Variants in NALF1 observed in about 807,000 individuals in gnomAD.
The protein encoded by NALF1 is NALCN channel auxiliary factor 1.
In NALF1, 3 loss-of-function variants were observed where a neutral mutation model predicts 48.4. The ratio of observed to expected loss-of-function variants is 0.06; its 90% confidence interval spans 0.03 to 0.16. The LOEUF (loss-of-function observed/expected upper bound fraction) is 0.16, where lower values mean the gene tolerates loss of function less well. Among genes scored for constraint, NALF1 ranks in the 10% least tolerant of loss-of-function variants. The probability of loss-of-function intolerance (pLI) is 1.00; values close to 1 mark genes in which losing one functional copy is unlikely to be tolerated. For missense variants in NALF1, 526 were observed against 571.5 expected, an observed-to-expected ratio of 0.92 and a Z score of 0.81; for synonymous variants, 262 against 245.7, an observed-to-expected ratio of 1.07 and a Z score of -0.62.
chr13:107,857,547 T>A lies in NALF1; in HGVS notation c.915+8135A>T, dbSNP rs190877696. 2.6e-5 allele frequency among the ~76,000 whole-genome samples: 4 copies of A among 152,338 alleles called. No individual in the cohort carries two copies. The East Asian group carries it at 7.7e-4, about 29-fold the overall frequency. On this transcript the variant is annotated intron_variant, in intron 1 of 2. Coordinates refer to ENST00000375915, the MANE Select transcript of NALF1 (RefSeq NM_001080396.3). ...AACCAAAGTGTTCAAGGCCTTTGGT[T>A]ACGCACCTATCAGGATCCAGTCAAT... is the stretch of plus-strand genomic sequence containing the variant.
At chr13:107,772,411 TAG>T (rs1343118078) in intron 1 of NALF1, among the ~76,000 whole-genome samples, 2 of 152,130 alleles carry the variant, frequency 1.3e-5, no homozygotes, top group South Asian at 2.1e-4. Context: ...TATGCATTAT[TAG>T]AGAGTTTCCA....
In NALF1 at chr13:107,170,224, C is replaced by A; in HGVS notation, c.*273G>T. On this transcript the variant is annotated 3_prime_UTR_variant, in exon 3 of 3. Coordinates refer to ENST00000375915, the MANE Select transcript of NALF1 (RefSeq NM_001080396.3). ...GCAAAAAATAAACAAACAAATAAAC[C>A]CAAACCAAAACGAAAGCAAATAAAA... The A allele has an allele frequency of 5.9e-6, 2 of 339,076 alleles. No individual in the cohort carries two copies. The highest frequency in any genetic ancestry group is 5.0e-5 in the East Asian group (1 of 19,866). The allele number at this position is 339,076 out of a possible 1,614,324, so 21.0% of individuals were successfully genotyped here.
chr13:107,628,504 A>G (rs1342415083), intron 1 of NALF1, among the ~76,000 whole-genome samples: 2 of 152,122 alleles, frequency 1.3e-5, no homozygotes, highest in African/African-American at 4.8e-5. Context: ...CAAAATTATT[A>G]GTTAGTAGGT....
chr13:107,498,224 T>C (rs185834605), intron 1 of NALF1, among the ~76,000 whole-genome samples: 5 of 152,140 alleles, frequency 3.3e-5, no homozygotes, highest in Admixed American at 3.3e-4. Flanking sequence ...ACCAGGAAAA[T>C]ATTAATCACA....
chr13:107,863,149 C>T (rs1217795692), intron 1 of NALF1, among the ~76,000 whole-genome samples: 1 of 151,834 alleles, frequency 6.6e-6, no homozygotes, highest in Non-Finnish European at 1.5e-5. Context: ...AAAAATTTTG[C>T]ATAGAACTTC....
intron 1 of NALF1, among the ~76,000 whole-genome samples, chr13:107,634,724 G>A (rs1395696933): frequency 6.6e-6 from 1 of 152,036 alleles, no homozygotes; most frequent in Non-Finnish European, 1.5e-5. Context: ...CTGCTGTGGT[G>A]AAAAATGTTG....
At chr13:107,392,546 G>A (rs1883644904) in intron 1 of NALF1, among the ~76,000 whole-genome samples, 1 of 152,106 alleles carries the variant, frequency 6.6e-6, no homozygotes, top group Admixed American at 6.6e-5. Context: ...CATTTCCAAG[G>A]GCAAGGGAGA....
chr13:107,743,655 C>G (rs142087614), intron 1 of NALF1, among the ~76,000 whole-genome samples: 1 of 152,190 alleles, frequency 6.6e-6, no homozygotes, highest in Non-Finnish European at 1.5e-5. Flanking sequence ...AAGATAGCCA[C>G]GAAGCAATTC....
intron 1 of NALF1, among the ~76,000 whole-genome samples, chr13:107,258,848 A>C (rs2138852096): frequency 7.2e-6 from 1 of 139,578 alleles, no homozygotes; most frequent in Non-Finnish European, 1.5e-5. Flanking sequence ...GGAATTGAGG[A>C]TGTTTAGATG....
chr13:107,409,448 A>C (rs1468974259), intron 1 of NALF1, among the ~76,000 whole-genome samples: 1 of 152,136 alleles, frequency 6.6e-6, no homozygotes, highest in African/African-American at 2.4e-5. Flanking sequence ...TGTTAGAGAG[A>C]ATTCTTGGAG....
chr13:107,626,791 AG>A (rs1230004704), intron 1 of NALF1, among the ~76,000 whole-genome samples: 1 of 152,004 alleles, frequency 6.6e-6, no homozygotes, highest in Non-Finnish European at 1.5e-5. Context: ...AAGGGGTGGG[AG>A]GAGGAGACAT....
At chr13:107,798,936 A>C (rs186090383) in intron 1 of NALF1, among the ~76,000 whole-genome samples, 238 of 152,334 alleles carry the variant, frequency 1.6e-3, no homozygotes, top group Non-Finnish European at 1.5e-3. Context: ...TATGTCAGGA[A>C]TATTATGTTT....
At chr13:107,211,966 G>A (rs566116190) in intron 1 of NALF1, among the ~76,000 whole-genome samples, 1 of 152,134 alleles carries the variant, frequency 6.6e-6, no homozygotes, top group African/African-American at 2.4e-5. Context: ...TAATGGAAAT[G>A]GAAAATCCAG....
chr13:107,544,671 T>G (rs1877088201), intron 1 of NALF1, among the ~76,000 whole-genome samples: 1 of 152,148 alleles, frequency 6.6e-6, no homozygotes, highest in African/African-American at 2.4e-5. Context: ...ATCATCTCAG[T>G]GTAGCAGCTT....
chr13:107,440,371 T>C (rs966410897), intron 1 of NALF1, among the ~76,000 whole-genome samples: 2 of 152,112 alleles, frequency 1.3e-5, no homozygotes, highest in African/African-American at 4.8e-5. Context: ...CTGACTGAGA[T>C]GTGTTAAAGT....
At chr13:107,340,623 CAAAT>C (rs1440533521) in intron 1 of NALF1, among the ~76,000 whole-genome samples, 1 of 151,476 alleles carries the variant, frequency 6.6e-6, no homozygotes, top group Non-Finnish European at 1.5e-5. Flanking sequence ...CAGTGGAATA[CAAAT>C]AGAGTCATGT....
intron 1 of NALF1, among the ~76,000 whole-genome samples, chr13:107,589,403 A>C (rs1878544557): frequency 6.6e-6 from 1 of 152,010 alleles, no homozygotes; most frequent in Admixed American, 6.6e-5. Context: ...TTTGTGTATA[A>C]AAATAATTGC....
intron 1 of NALF1, among the ~76,000 whole-genome samples, chr13:107,606,659 C>T (rs1480203539): frequency 6.6e-6 from 1 of 152,070 alleles, no homozygotes; most frequent in Non-Finnish European, 1.5e-5. Context: ...AGCCACTGCG[C>T]CTGGCACCTT....
At chr13:107,680,947 CAG>C (rs1491409220) in intron 1 of NALF1, among the ~76,000 whole-genome samples, 7 of 64,898 alleles carry the variant, frequency 1.1e-4, no homozygotes, top group East Asian at 1.2e-3. Context: ...ATGAGTGTAA[CAG>C]TGTGTGTGTG....
Sources: allele counts gnomAD v4.1 joint callset (sites outside exome capture counted in the v4.1 genomes callset), GRCh38; gene constraint gnomAD v4.1.1; transcripts MANE v1.5; gene names NCBI Gene and HGNC (gene_info 2026-07-23, HGNC 2026-07-21).